The following MRPS27 variants were observed in gnomAD, a reference collection of about 807,000 sequenced individuals.
MRPS27 encodes mitochondrial ribosomal protein S27.
MRPS27 carries 43 observed loss-of-function variants against 48.9 expected under a neutral mutation model. That is an observed-to-expected ratio of 0.88 (90% CI 0.69 to 1.13). The LOEUF (loss-of-function observed/expected upper bound fraction) is 1.13. MRPS27 is among the 50% of genes most tolerant of loss of function. The pLI is 0.00. For missense variants in MRPS27, 467 were observed against 476.3 expected (o/e 0.98, Z 0.18); for synonymous variants, 188 against 171.9 (o/e 1.09, Z -0.73).
At chr5:72,317,207 GTGAAT>G (rs1393954673) in intron 1 of MRPS27, among the ~76,000 whole-genome samples, 1 of 152,044 alleles carries the variant, frequency 6.6e-6, no homozygotes, top group East Asian at 1.9e-4. Flanking sequence ...ACACATCTGT[GTGAAT>G]TTATACACAG....
intron 2 of MRPS27, among the ~76,000 whole-genome samples, chr5:72,298,678 A>C (rs1750045216): frequency 7.2e-6 from 1 of 139,656 alleles, no homozygotes; most frequent in Non-Finnish European, 1.5e-5. Flanking sequence ...TGCAGTCCGC[A>C]GTCCGGCCTG....
At chr5:72,224,895 C>T (rs1032217849) in intron 9 of MRPS27, among the ~76,000 whole-genome samples, 5 of 152,178 alleles carry the variant, frequency 3.3e-5, no homozygotes, top group African/African-American at 1.2e-4. Flanking sequence ...GAAACACCTA[C>T]CTGAAACGAA....
intron 1 of MRPS27, 55 bp from the exon 2 acceptor site, chr5:72,314,213 A>G (rs1337744879): frequency 3.0e-5 from 38 of 1,281,824 alleles, no homozygotes; most frequent in Non-Finnish European, 6.8e-6. Flanking sequence ...GGTTCATTTT[A>G]TATGTTTTAT....
At chr5:72,272,837 C>T (rs1749281073) in intron 4 of MRPS27, among the ~76,000 whole-genome samples, 1 of 152,128 alleles carries the variant, frequency 6.6e-6, no homozygotes, top group Non-Finnish European at 1.5e-5. Flanking sequence ...TGGCCCTTTA[C>T]AGAAAGTTTG....
intron 4 of MRPS27, among the ~76,000 whole-genome samples, chr5:72,239,458 C>G (rs999572931): frequency 6.6e-6 from 1 of 152,058 alleles, no homozygotes; most frequent in Non-Finnish European, 1.5e-5. Flanking sequence ...TTAGGTTTTG[C>G]TAGAAAATGT....
At chr5:72,298,023 T>C (rs1221121602) in intron 2 of MRPS27, among the ~76,000 whole-genome samples, 3 of 152,064 alleles carry the variant, frequency 2.0e-5, no homozygotes, top group African/African-American at 4.8e-5. Context: ...TCAAAAGCAA[T>C]TGCAACAAAA....
At chr5:72,269,403 T>C (rs1258435618) in intron 4 of MRPS27, among the ~76,000 whole-genome samples, 1 of 152,326 alleles carries the variant, frequency 6.6e-6, no homozygotes, top group African/African-American at 2.4e-5. Context: ...CTGACTAATA[T>C]TTCTAAAAAT....
chr5:72,250,480 G>A (rs752328687), intron 4 of MRPS27, among the ~76,000 whole-genome samples: 4 of 152,180 alleles, frequency 2.6e-5, no homozygotes, highest in Non-Finnish European at 4.4e-5. Flanking sequence ...TGTTATCACA[G>A]ACATGAGAGA....
At chr5:72,306,695 G>A (rs1159042288) in intron 2 of MRPS27, among the ~76,000 whole-genome samples, 1 of 152,026 alleles carries the variant, frequency 6.6e-6, no homozygotes, top group East Asian at 1.9e-4. Flanking sequence ...GAACATTAAT[G>A]GAATATTTAA....
chr5:72,264,842 G>A (rs943453978), intron 4 of MRPS27, among the ~76,000 whole-genome samples: 1 of 152,162 alleles, frequency 6.6e-6, no homozygotes, highest in Non-Finnish European at 1.5e-5. Flanking sequence ...AAATTCTGCT[G>A]TTTTAAGCCA....
At chr5:72,221,240 A>T in intron 10 of MRPS27, 92 bp from the exon 11 acceptor site, 4 of 1,466,982 alleles carry the variant, frequency 2.7e-6, no homozygotes, top group Non-Finnish European at 3.7e-6. Flanking sequence ...GACTGACTTT[A>T]GATTTGAACA....
intron 1 of MRPS27, among the ~76,000 whole-genome samples, chr5:72,318,055 A>C (rs188092103): frequency 1.8e-3 from 272 of 152,274 alleles, no homozygotes; most frequent in African/African-American, 6.3e-3. Context: ...AAATGCTAAA[A>C]ATCTCCTAAT....
At chr5:72,251,358 C>G (rs1171749863) in intron 4 of MRPS27, among the ~76,000 whole-genome samples, 4 of 152,176 alleles carry the variant, frequency 2.6e-5, no homozygotes, top group Non-Finnish European at 4.4e-5. Context: ...CAAAGCCAAC[C>G]AGCAAAGTTT....
intron 1 of MRPS27, among the ~76,000 whole-genome samples, chr5:72,318,413 T>G (rs1458553608): frequency 6.6e-6 from 1 of 152,236 alleles, no homozygotes; most frequent in Non-Finnish European, 1.5e-5. Context: ...AGCATATGCT[T>G]CATTCTAGCA....
At chr5:72,222,809 A>G (rs1266406755) in intron 10 of MRPS27, among the ~76,000 whole-genome samples, 1 of 152,218 alleles carries the variant, frequency 6.6e-6, no homozygotes, top group Non-Finnish European at 1.5e-5. Context: ...CAATGACTTT[A>G]CAGAAGTACT....
In MRPS27 at chr5:72,247,457, T is replaced by C. The variant is rs1002085024; in HGVS notation, c.282-9329A>G. 5.9e-5 allele frequency among the ~76,000 whole-genome samples: 9 copies of C among 152,214 alleles called. 1 individual carries two copies. The highest frequency in any genetic ancestry group is 5.2e-4 in the Admixed American group (8 of 15,276). ...CCATTCAGTCCACAGCTGATTTTAC[T>C]TTATTCCACTAGCCTCCATTCCCCC... is the stretch of plus-strand genomic sequence containing the variant. On this transcript the variant is annotated intron_variant, in intron 4 of 10. Transcript: ENST00000261413.
At chr5:72,248,064 T>C (rs1362368598) in intron 4 of MRPS27, among the ~76,000 whole-genome samples, 1 of 152,202 alleles carries the variant, frequency 6.6e-6, no homozygotes, top group African/African-American at 2.4e-5. Context: ...AAAATTAAGG[T>C]GACCTTTCTT....
At chr5:72,233,790 A>G (rs975790255) in intron 6 of MRPS27, among the ~76,000 whole-genome samples, 4 of 152,172 alleles carry the variant, frequency 2.6e-5, no homozygotes. Context: ...TTCATTACTG[A>G]ATCCAAAATT....
chr5:72,246,150 C>T (rs897394891), intron 4 of MRPS27, among the ~76,000 whole-genome samples: 9 of 152,176 alleles, frequency 5.9e-5, no homozygotes, highest in African/African-American at 2.2e-4. Flanking sequence ...AACAGTGACT[C>T]GGCCTGCTAA....
Sources: gnomAD v4.1 joint callset for allele counts (sites outside exome capture counted in the v4.1 genomes callset) on GRCh38, gnomAD v4.1.1 for gene constraint, MANE v1.5 for transcripts, NCBI Gene and HGNC (gene_info 2026-07-23, HGNC 2026-07-21) for gene names.